The following CCDC149 variants were observed in gnomAD, a reference collection of about 807,000 sequenced individuals.
CCDC149 encodes the protein coiled-coil domain-containing protein 149.
A neutral mutation model predicts 59.9 loss-of-function variants in CCDC149; 45 were observed. The observed-to-expected ratio is 0.75, with a 90% CI of 0.59 to 0.96. The LOEUF is 0.96. CCDC149 is among the 40% of genes least tolerant of loss of function. The pLI is 0.00. For missense variants in CCDC149, 584 were observed against 664.7 expected (o/e 0.88, Z 1.33); for synonymous variants, 245 against 260.6 (o/e 0.94, Z 0.58).
At chr4:24,874,120 G>T (rs945237951) in intron 2 of CCDC149, among the ~76,000 whole-genome samples, 2 of 151,952 alleles carry the variant, frequency 1.3e-5, no homozygotes, top group African/African-American at 4.8e-5. Context: ...GAGAGGAAAA[G>T]AGAGAGAAAG....
chr4:24,804,774 T>C (rs1362176278), downstream of CCDC149, among the ~76,000 whole-genome samples: 2 of 152,152 alleles, frequency 1.3e-5, no homozygotes, highest in Non-Finnish European at 2.9e-5. Flanking sequence ...ATGTGAATAA[T>C]TGATAGCAGA....
chr4:24,829,347 A>T (rs2109123973), intron 9 of CCDC149: 1 of 152,322 alleles, frequency 6.6e-6, no homozygotes, highest in African/African-American at 2.4e-5. Flanking sequence ...AGATCTGAGA[A>T]GAGTCTGCAG....
At chr4:24,815,155 C>T (rs1448168502) in intron 12 of CCDC149, among the ~76,000 whole-genome samples, 1 of 152,158 alleles carries the variant, frequency 6.6e-6, no homozygotes, top group East Asian at 1.9e-4. Context: ...TATATTAGTA[C>T]ATCTCTTTAA....
intron 2 of CCDC149, among the ~76,000 whole-genome samples, chr4:24,873,958 T>G (rs185245408): frequency 6.7e-6 from 1 of 150,194 alleles, no homozygotes; most frequent in East Asian, 1.9e-4. Flanking sequence ...TCTATATATT[T>G]CCTAAAATTG....
At chr4:24,810,195 C>T (rs1239947071) in intron 12 of CCDC149, among the ~76,000 whole-genome samples, 1 of 152,194 alleles carries the variant, frequency 6.6e-6, no homozygotes, top group East Asian at 1.9e-4. Context: ...AAACATTTGA[C>T]GTGTTTATCT....
intron 1 of CCDC149, among the ~76,000 whole-genome samples, chr4:24,879,694 A>C (rs1021189151): frequency 6.6e-6 from 1 of 151,832 alleles, no homozygotes; most frequent in African/African-American, 2.4e-5. Flanking sequence ...CAAAAAAAAA[A>C]AAAAGAAAGA....
intron 1 of CCDC149, among the ~76,000 whole-genome samples, chr4:24,962,579 T>G (rs1723666312): frequency 6.6e-6 from 1 of 152,192 alleles, no homozygotes; most frequent in Non-Finnish European, 1.5e-5. Flanking sequence ...TCATGTCCTT[T>G]GTAGGGACAT....
intron 1 of CCDC149, among the ~76,000 whole-genome samples, chr4:24,936,568 C>CA (rs1191406618): frequency 6.6e-6 from 1 of 152,296 alleles, no homozygotes; most frequent in African/African-American, 2.4e-5. Flanking sequence ...TAACAACATT[C>CA]AAAATCTCCT....
intron 3 of CCDC149, among the ~76,000 whole-genome samples, chr4:24,855,090 C>T (rs569156155): frequency 2.0e-5 from 3 of 152,260 alleles, no homozygotes; most frequent in African/African-American, 7.2e-5. Context: ...CCATGAAGGG[C>T]AAGGAACTTC....
chr4:24,840,885 C>CA (rs1471499490), intron 4 of CCDC149, among the ~76,000 whole-genome samples: 1 of 152,136 alleles, frequency 6.6e-6, no homozygotes, highest in Non-Finnish European at 1.5e-5. Flanking sequence ...GATCAGTTGA[C>CA]AAAAATGTTG....
At position 24,912,975 on chromosome 4, in the gene CCDC149, G is replaced by C. The variant is rs1721988380; in HGVS notation, c.-96C>G. The C allele has an allele frequency of 1.4e-5, 7 of 508,938 alleles. No individual in the cohort carries two copies. Among genetic ancestry groups the C allele is most frequent in the Non-Finnish European group, 1.6e-5 (6 of 380,106 alleles). The allele number at this position is 508,938 out of a possible 1,614,324, so 31.5% of individuals were successfully genotyped here. A position where few individuals can be genotyped will look rare whatever the true frequency, so the allele number is the denominator to read the frequency against. On this transcript the variant is annotated 5_prime_UTR_variant, in exon 1 of 13. Transcript: ENST00000635206. ...GCCCCGCGCGGCCCCGAGAGGGCCC[G>C]GCGCCTCCGAGCCGCTGCGCCGCCG...
chr4:24,848,699 T>C (rs1169198689), intron 4 of CCDC149, among the ~76,000 whole-genome samples: 1 of 150,596 alleles, frequency 6.6e-6, no homozygotes, highest in African/African-American at 2.5e-5. Context: ...GTGAAAGTTC[T>C]CGACTTAAGG....
chr4:24,874,616 C>T (rs1183185181), intron 2 of CCDC149, among the ~76,000 whole-genome samples: 1 of 152,040 alleles, frequency 6.6e-6, no homozygotes, highest in Non-Finnish European at 1.5e-5. Flanking sequence ...CGATTCCTCT[C>T]CCTTTTGTGC....
At chr4:24,834,911 G>A (rs767769402) in intron 8 of CCDC149, 37 bp downstream of exon 8, 32 of 1,487,228 alleles carry the variant, frequency 2.2e-5, no homozygotes, top group Non-Finnish European at 2.8e-5. Flanking sequence ...AGTATTTTAC[G>A]CTCATGAGCG....
At chr4:24,886,782 G>A (rs577188344) in intron 1 of CCDC149, among the ~76,000 whole-genome samples, 101 of 152,148 alleles carry the variant, frequency 6.6e-4, no homozygotes, top group Non-Finnish European at 1.4e-3. Context: ...CACTCAGGGC[G>A]AGGCTCACGT....
intron 11 of CCDC149, 122 bp downstream of exon 11, chr4:24,820,933 C>A: frequency 2.1e-6 from 1 of 481,014 alleles, no homozygotes; most frequent in Non-Finnish European, 3.3e-6. Context: ...TTTCAATTGA[C>A]TATTCTAATC....
At chr4:24,972,582 C>G (rs998694476) in intron 1 of CCDC149, among the ~76,000 whole-genome samples, 1 of 152,126 alleles carries the variant, frequency 6.6e-6, no homozygotes, top group Non-Finnish European at 1.5e-5. Flanking sequence ...GCTAGAATTA[C>G]AGACACGAGC....
chr4:24,977,369 G>A (rs565360639), intron 1 of CCDC149, among the ~76,000 whole-genome samples: 1 of 152,256 alleles, frequency 6.6e-6, no homozygotes, highest in East Asian at 1.9e-4. Flanking sequence ...CATGCGTCAG[G>A]AAATATCCAT....
intron 1 of CCDC149, among the ~76,000 whole-genome samples, chr4:24,938,690 C>G (rs1441338211): frequency 6.6e-6 from 1 of 152,238 alleles, no homozygotes; most frequent in Non-Finnish European, 1.5e-5. Context: ...TGGGTCACTC[C>G]CACCCTAACA....
Sources: allele counts gnomAD v4.1 joint callset (sites outside exome capture counted in the v4.1 genomes callset), GRCh38; gene constraint gnomAD v4.1.1; transcripts MANE v1.5; gene names NCBI Gene and HGNC (gene_info 2026-07-23, HGNC 2026-07-21).